EPB41L2: variants seen among roughly 807,000 people sequenced by gnomAD.
EPB41L2 encodes band 4.1-like protein 2.
A neutral mutation model predicts 113.0 loss-of-function variants in EPB41L2; 43 were observed. The observed-to-expected ratio is 0.38, with a 90% confidence interval of 0.30 to 0.49. The LOEUF is 0.49. EPB41L2 is among the 20% of genes least tolerant of loss of function. The probability of loss-of-function intolerance (pLI) is 0.95; values close to 1 mark genes in which losing one functional copy is unlikely to be tolerated. For synonymous variants in EPB41L2, 442 were observed against 436.7 expected (o/e 1.01, Z -0.15); for missense variants, 1,147 against 1,223.4 (o/e 0.94, Z 0.93).
At chr6:131,060,318 G>C (rs1798405855) in intron 1 of EPB41L2, among the ~76,000 whole-genome samples, 1 of 152,208 alleles carries the variant, frequency 6.6e-6, no homozygotes, top group African/African-American at 2.4e-5. Context: ...TAATATGAGA[G>C]GGGTGATTCA....
At position 130,968,403 on chromosome 6, in the gene EPB41L2, C is replaced by T. The variant is rs185564305; in HGVS notation, c.-14-11904G>A. On this transcript the variant is annotated intron_variant, in intron 1 of 19. Coordinates refer to ENST00000337057, the MANE Select transcript of EPB41L2 (RefSeq NM_001431.4). ...TGCTGTAGTCAACAGGCATAAATAC[C>T]TAAACCTCATAAAAAAATATAATTC... 4.6e-5 allele frequency among the ~76,000 whole-genome samples: 7 copies of T among 152,286 alleles called. No homozygotes were observed. The East Asian group carries it at 1.4e-3, about 29-fold the overall frequency.
At chr6:130,878,955 G>A (rs962594067) in intron 13 of EPB41L2, among the ~76,000 whole-genome samples, 3 of 152,120 alleles carry the variant, frequency 2.0e-5, no homozygotes, top group Admixed American at 6.6e-5. Context: ...TCTAGCCTCC[G>A]CAACTGCCAG....
intron 3 of EPB41L2, among the ~76,000 whole-genome samples, chr6:130,948,319 A>G (rs1813630822): frequency 6.6e-6 from 1 of 152,200 alleles, no homozygotes; most frequent in Non-Finnish European, 1.5e-5. Flanking sequence ...GTAGTAGATC[A>G]TAGAAGGACT....
chr6:130,940,464 C>CTTTTTTTTTTTTTTTTTTTT (rs201049585), intron 3 of EPB41L2, among the ~76,000 whole-genome samples: 1 of 142,934 alleles, frequency 7.0e-6, no homozygotes, highest in Non-Finnish European at 1.5e-5. Flanking sequence ...CTAAATATAT[C>CTTTTTTTTTTTTTTTTTTTT]TTTTTTTTTT....
intron 12 of EPB41L2, chr6:130,881,211 C>G (rs1367663274): frequency 1.3e-5 from 2 of 152,100 alleles, no homozygotes; most frequent in Non-Finnish European, 1.5e-5. Context: ...AATCATTTAA[C>G]CTTTATAGGT....
At chr6:130,976,183 G>A (rs1318687057) in intron 1 of EPB41L2, among the ~76,000 whole-genome samples, 4 of 152,094 alleles carry the variant, frequency 2.6e-5, no homozygotes, top group Non-Finnish European at 4.4e-5. Context: ...TTCCCAGTCG[G>A]TCTATAAAAT....
chr6:130,982,213 A>T (rs1009344936), intron 1 of EPB41L2, among the ~76,000 whole-genome samples: 4 of 152,162 alleles, frequency 2.6e-5, no homozygotes, highest in Admixed American at 2.0e-4. Context: ...TCAATACTGT[A>T]GTTTTGACTA....
chr6:130,867,937 GAC>G (rs58752395), intron 15 of EPB41L2: 12,348 of 178,868 alleles, frequency 0.069, 519 homozygotes, highest in Middle Eastern at 0.13. Context: ...AGTGTATAGT[GAC>G]ACACACACAC....
rs3031750 is a variant in EPB41L2, at chr6:131,023,748, T to TATATATAG, written c.-15+39399_-15+39406dup. 0.017 allele frequency among the ~76,000 whole-genome samples: 1,784 copies of TATATATAG among 103,100 alleles called. 171 individuals are homozygous for TATATATAG. The East Asian group carries it at 0.47, about 27-fold the overall frequency. 67.6% of individuals were successfully genotyped at this position (103,100 alleles called of 152,430 possible). On this transcript the variant is annotated intron_variant, in intron 1 of 19. Coordinates refer to ENST00000337057, the MANE Select transcript of EPB41L2 (RefSeq NM_001431.4). ...GTGTGTGTATATATATCTATATATC[T>TATATATAG]ATATATAGATATATAGATATATAGA...
chr6:130,995,657 G>A (rs550893414), intron 1 of EPB41L2, among the ~76,000 whole-genome samples: 6 of 152,258 alleles, frequency 3.9e-5, no homozygotes, highest in Admixed American at 6.5e-5. Context: ...TCAGATATTC[G>A]GGGTTCATAG....
intron 1 of EPB41L2, among the ~76,000 whole-genome samples, chr6:130,968,433 T>C (rs1437798039): frequency 6.6e-6 from 1 of 152,230 alleles, no homozygotes; most frequent in Non-Finnish European, 1.5e-5. Flanking sequence ...TAATTCACTT[T>C]TTAAATTTTG....
intron 1 of EPB41L2, among the ~76,000 whole-genome samples, chr6:131,031,887 T>C (rs531086146): frequency 6.6e-6 from 1 of 152,330 alleles, no homozygotes; most frequent in African/African-American, 2.4e-5. Context: ...TTTTCCTCTT[T>C]AAATGCCATG....
intron 1 of EPB41L2, among the ~76,000 whole-genome samples, chr6:131,014,454 G>C (rs1474832492): frequency 2.0e-5 from 3 of 152,162 alleles, no homozygotes; most frequent in Non-Finnish European, 4.4e-5. Flanking sequence ...ATGGTAAAAA[G>C]GCATCTGTAA....
intron 18 of EPB41L2, among the ~76,000 whole-genome samples, chr6:130,861,779 G>C (rs1467566803): frequency 1.3e-5 from 2 of 151,260 alleles, no homozygotes; most frequent in African/African-American, 4.8e-5. Flanking sequence ...GGCTGAGGCA[G>C]GAGAATCACT....
intron 19 of EPB41L2, among the ~76,000 whole-genome samples, chr6:130,847,806 G>A (rs745573706): frequency 6.6e-6 from 1 of 152,100 alleles, no homozygotes; most frequent in Non-Finnish European, 1.5e-5. Context: ...ACTCTGCTAG[G>A]TCAAATCTTC....
intron 3 of EPB41L2, among the ~76,000 whole-genome samples, chr6:130,928,421 G>A (rs1036729497): frequency 2.0e-4 from 30 of 152,250 alleles, no homozygotes; most frequent in Middle Eastern, 3.4e-3. Flanking sequence ...CAGGAGGTGC[G>A]GTGAGTACTA....
In EPB41L2 at chr6:130,998,901, A is replaced by G. The variant is rs144765397; in HGVS notation, c.-14-42402T>C. On this transcript the variant is annotated intron_variant, in intron 1 of 19. Transcript: ENST00000337057. ...CACTGAGAGAGGAAAGCAAACCCAG[A>G]AAGCAATTCTTCTACCTCGAATAGA... is the stretch of plus-strand genomic sequence containing the variant. 2.1e-3 allele frequency among the ~76,000 whole-genome samples: 317 copies of G among 152,218 alleles called. 4 individuals are homozygous for G. Among genetic ancestry groups the G allele is most frequent in the African/African-American group, 7.2e-3 (297 of 41,526 alleles).
chr6:130,963,116 A>T (rs1408020729), intron 1 of EPB41L2, among the ~76,000 whole-genome samples: 1 of 152,160 alleles, frequency 6.6e-6, no homozygotes, highest in Non-Finnish European at 1.5e-5. Flanking sequence ...CAGCTCCTTG[A>T]TCGCGCCACA....
intron 1 of EPB41L2, among the ~76,000 whole-genome samples, chr6:131,002,474 G>A (rs922749145): frequency 1.3e-5 from 2 of 152,136 alleles, no homozygotes; most frequent in Non-Finnish European, 2.9e-5. Flanking sequence ...ATTTCAAGGT[G>A]ACATTAGAAT....
Sources: allele counts gnomAD v4.1 joint callset (sites outside exome capture counted in the v4.1 genomes callset), GRCh38; gene constraint gnomAD v4.1.1; transcripts MANE v1.5; gene names NCBI Gene and HGNC (gene_info 2026-07-23, HGNC 2026-07-21).